Variants in ADCY2 observed in about 807,000 individuals in gnomAD.
The protein encoded by ADCY2 is adenylate cyclase type 2.
Under a neutral mutation model 125.2 loss-of-function variants are expected in ADCY2, and 31 were observed. The observed-to-expected ratio is 0.25, with a 90% confidence interval of 0.19 to 0.33. ADCY2 has a LOEUF of 0.33. Ranked by LOEUF, ADCY2 falls within the 10% of genes least tolerant of loss-of-function variation. The probability of loss-of-function intolerance (pLI) is 1.00; values close to 1 mark genes in which losing one functional copy is unlikely to be tolerated. For synonymous variants in ADCY2, 512 were observed against 548.4 expected (o/e 0.93, Z 0.93); for missense variants, 904 against 1,418.2 (o/e 0.64, Z 5.82).
chr5:7,702,208 A>G (rs1741102135), intron 7 of ADCY2, among the ~76,000 whole-genome samples: 1 of 149,414 alleles, frequency 6.7e-6, no homozygotes, highest in Admixed American at 6.7e-5. Context: ...CCTGGCCAGC[A>G]TAGTGAAACC....
chr5:7,720,254 A>G (rs974253722), intron 12 of ADCY2, among the ~76,000 whole-genome samples: 11 of 152,190 alleles, frequency 7.2e-5, no homozygotes, highest in Non-Finnish European at 1.3e-4. Flanking sequence ...GCACACACGA[A>G]TCTATTCCCT....
At chr5:7,643,758 C>T (rs73050184) in intron 4 of ADCY2, among the ~76,000 whole-genome samples, 1 of 151,630 alleles carries the variant, frequency 6.6e-6, no homozygotes, top group Non-Finnish European at 1.5e-5. Context: ...TAGTGTCTCT[C>T]ATTCTGTTTC....
intron 7 of ADCY2, among the ~76,000 whole-genome samples, chr5:7,705,124 A>G (rs1333566884): frequency 6.6e-6 from 1 of 152,188 alleles, no homozygotes; most frequent in Non-Finnish European, 1.5e-5. Flanking sequence ...TCAACAACAT[A>G]AAATGTTAAG....
chr5:7,504,592 TTC>T (rs1251662044), intron 2 of ADCY2, among the ~76,000 whole-genome samples: 2 of 151,966 alleles, frequency 1.3e-5, no homozygotes, highest in African/African-American at 2.4e-5. Flanking sequence ...ATTTCTTTCT[TTC>T]TCTCTCTCTT....
chr5:7,709,529 T>C lies in ADCY2; in HGVS notation c.1578+142T>C. On this transcript the variant is annotated intron_variant, in intron 10 of 24. Coordinates refer to ENST00000338316, the MANE Select transcript of ADCY2 (RefSeq NM_020546.3). This position sits in a 1 kb window ranked among gnomAD's most constrained non-coding sequence, Gnocchi z 4.4. ...CTTCTTCTTCTCAGAGAGGCCCTTA[T>C]GAACAACCATCAGGGTATGAGTGAG... 3.9e-6 allele frequency: 4 copies of C among 1,027,548 alleles called. No individual in the cohort carries two copies. The highest frequency in any genetic ancestry group is 5.5e-6 in the Non-Finnish European group (4 of 729,158). The allele number at this position is 1,027,548 out of a possible 1,614,324, so 63.7% of individuals were successfully genotyped here. A position where few individuals can be genotyped will look rare whatever the true frequency, so the allele number is the denominator to read the frequency against.
intron 2 of ADCY2, among the ~76,000 whole-genome samples, chr5:7,451,269 G>T (rs961581585): frequency 3.9e-5 from 6 of 152,216 alleles, no homozygotes; most frequent in Non-Finnish European, 7.3e-5. Context: ...GAATATTCAT[G>T]TTCATGGGAG....
rs1742011837 is a variant in ADCY2 at position 7,728,828 on chromosome 5, T to C, written c.1871+1567T>C. 3.3e-5 allele frequency among the ~76,000 whole-genome samples: 5 copies of C among 152,230 alleles called. 1 individual carries two copies. In the South Asian group the frequency reaches 1.0e-3, roughly 32 times the overall value. ...GTCACCTACTGGGAGGTGCTGGGGA[T>C]GGGGAGAGTGACTGGGGGCATTTTA... On this transcript the variant is annotated intron_variant, in intron 14 of 24. Coordinates refer to ENST00000338316, the MANE Select transcript of ADCY2 (RefSeq NM_020546.3).
rs181301957 is a variant in ADCY2, at chr5:7,770,842, C to T, written c.2215-2090C>T. ...CTTTGTGAAGGCCCTTTTTTCATTT[C>T]GCTTTGTTTTGTGTTTTTAATTTCT... On this transcript the variant is annotated intron_variant, in intron 17 of 24. Coordinates refer to ENST00000338316, the MANE Select transcript of ADCY2 (RefSeq NM_020546.3). Among the ~76,000 whole-genome samples the T allele has an allele frequency of 1.2e-3, 181 of 152,142 alleles. 1 individual carries two copies. The South Asian group carries it at 0.018, about 15-fold the overall frequency.
chr5:7,671,737 T>G (rs1739941633), intron 4 of ADCY2, among the ~76,000 whole-genome samples: 1 of 152,160 alleles, frequency 6.6e-6, no homozygotes, highest in Non-Finnish European at 1.5e-5. Flanking sequence ...AATTAGCTAC[T>G]GAGTGGGGAA....
intron 12 of ADCY2, among the ~76,000 whole-genome samples, chr5:7,721,419 AT>A (rs1444957282): frequency 2.0e-5 from 3 of 152,166 alleles, no homozygotes; most frequent in Admixed American, 6.5e-5. Context: ...CCATTTGTCA[AT>A]TTTGGCTTTT....
intron 4 of ADCY2, among the ~76,000 whole-genome samples, chr5:7,659,375 T>C (rs906680017): frequency 2.6e-5 from 4 of 152,216 alleles, no homozygotes; most frequent in African/African-American, 7.2e-5. Context: ...TACATTTGTG[T>C]TCTATTTATC....
intron 2 of ADCY2, among the ~76,000 whole-genome samples, chr5:7,458,389 A>G (rs1344094252): frequency 2.0e-5 from 3 of 152,232 alleles, no homozygotes; most frequent in Non-Finnish European, 4.4e-5. Flanking sequence ...ATTAACTTGC[A>G]GTTATTTAGT....
At position 7,707,531 on chromosome 5, in the gene ADCY2, C is replaced by T. The variant is rs141609460; in HGVS notation, c.1269-175C>T. The stretch of plus-strand genomic sequence containing the variant: ...GAGAAGCTCCAAAACTAGTAGTGCA[C>T]GACCTCTAAGAGCATCTTTCCAAAG... On this transcript the variant is annotated intron_variant, in intron 8 of 24. Transcript: ENST00000338316. Among the ~76,000 whole-genome samples, 353 of 152,280 alleles carry T rather than the reference C, an allele frequency of 2.3e-3. 1 individual carries two copies. The highest frequency in any genetic ancestry group is 4.3e-3 in the Non-Finnish European group (293 of 68,026).
At chr5:7,666,314 G>A (rs1328973637) in intron 4 of ADCY2, among the ~76,000 whole-genome samples, 2 of 151,834 alleles carry the variant, frequency 1.3e-5, no homozygotes, top group Non-Finnish European at 2.9e-5. Flanking sequence ...TGTCACCCAG[G>A]CTGGAGTGCA....
At chr5:7,407,595 G>GT (rs1213711863) in intron 1 of ADCY2, among the ~76,000 whole-genome samples, 1 of 152,154 alleles carries the variant, frequency 6.6e-6, no homozygotes, top group Non-Finnish European at 1.5e-5. Flanking sequence ...GCGAAAGGTG[G>GT]TGCAGCTTGG....
intron 2 of ADCY2, among the ~76,000 whole-genome samples, chr5:7,427,249 A>G (rs1740419437): frequency 6.6e-6 from 1 of 152,198 alleles, no homozygotes. Context: ...GACACCGGTT[A>G]TATTGAATTA....
chr5:7,770,907 G>T lies in ADCY2; in HGVS notation c.2215-2025G>T, dbSNP rs145783350. On this transcript the variant is annotated intron_variant, in intron 17 of 24. Coordinates refer to ENST00000338316, the MANE Select transcript of ADCY2 (RefSeq NM_020546.3). ...TAATGCTTTTGAAAAATGTAATGGT[G>T]AATTACCAGCAAAATGAACTAAAAA... Among the ~76,000 whole-genome samples the T allele has an allele frequency of 4.8e-3, 735 of 152,198 alleles. 6 individuals are homozygous for T. The highest frequency in any genetic ancestry group is 0.017 in the African/African-American group (693 of 41,536).
chr5:7,445,298 C>T (rs1329827053), intron 2 of ADCY2, among the ~76,000 whole-genome samples: 1 of 152,296 alleles, frequency 6.6e-6, no homozygotes, highest in East Asian at 1.9e-4. Context: ...TATGTGGCTA[C>T]CCAGCTGGCC....
At chr5:7,617,851 C>T (rs1009125954) in intron 3 of ADCY2, among the ~76,000 whole-genome samples, 2 of 152,142 alleles carry the variant, frequency 1.3e-5, no homozygotes, top group African/African-American at 2.4e-5. Flanking sequence ...GAAGCAGTGG[C>T]CAGGCATGCT....
Sources: allele counts gnomAD v4.1 joint callset (sites outside exome capture counted in the v4.1 genomes callset), GRCh38; gene constraint gnomAD v4.1.1; non-coding constraint Gnocchi (gnomAD v3.1); transcripts MANE v1.5; gene names NCBI Gene and HGNC (gene_info 2026-07-23, HGNC 2026-07-21).